The following NLRC5 variants were observed in gnomAD, a reference collection of about 807,000 sequenced individuals.
NLRC5 encodes the protein NLR family CARD domain containing 5, also known as protein NLRC5.
Under a neutral mutation model 206.9 loss-of-function variants are expected in NLRC5, and 114 were observed. The ratio of observed to expected loss-of-function variants is 0.55; its 90% CI spans 0.47 to 0.64. NLRC5 has a LOEUF of 0.64. NLRC5 is among the 30% of genes least tolerant of loss of function. The pLI is 0.00. For missense variants in NLRC5, 2,008 were observed against 2,305.5 expected, an observed-to-expected ratio of 0.87 and a Z score of 2.64; for synonymous variants, 952 against 962.8, an observed-to-expected ratio of 0.99 and a Z score of 0.21.
chr16:57,042,286 TC>T (rs1211291572), intron 19 of NLRC5, among the ~76,000 whole-genome samples: 4 of 152,208 alleles, frequency 2.6e-5, no homozygotes, highest in African/African-American at 9.7e-5. Flanking sequence ...AGGTTTCACT[TC>T]TGGAACCTGT....
chr16:57,001,084 C>G (rs2058184716), intron 1 of NLRC5, among the ~76,000 whole-genome samples: 1 of 152,220 alleles, frequency 6.6e-6, no homozygotes, highest in African/African-American at 2.4e-5. Flanking sequence ...TCAGCCATTC[C>G]CGGGGGGAAG....
intron 2 of NLRC5, among the ~76,000 whole-genome samples, chr16:57,018,347 C>G (rs2060297938): frequency 1.3e-5 from 2 of 152,242 alleles, no homozygotes; most frequent in South Asian, 4.1e-4. Context: ...CCTCAGTTCT[C>G]CTCCTGCCTC....
At chr16:57,063,903 T>C (rs1177822144) in intron 32 of NLRC5, among the ~76,000 whole-genome samples, 2 of 151,816 alleles carry the variant, frequency 1.3e-5, no homozygotes, top group Admixed American at 1.3e-4. Context: ...CACGCCTGAC[T>C]AATGTTTTGT....
chr16:56,993,130 T>TAC (rs34822472), intron 1 of NLRC5, among the ~76,000 whole-genome samples: 17,681 of 143,054 alleles, frequency 0.12, 1,148 homozygotes, highest in African/African-American at 0.16. Flanking sequence ...TGTATATATA[T>TAC]ATACACACAC....
chr16:56,995,999 G>C (rs1469384575), intron 1 of NLRC5, among the ~76,000 whole-genome samples: 1 of 152,140 alleles, frequency 6.6e-6, no homozygotes, highest in Non-Finnish European at 1.5e-5. Context: ...CATTCTTCCA[G>C]ACTAGTGAAA....
chr16:57,026,334 C>A lies in NLRC5; in HGVS notation c.1391C>A (p.Ala464Asp), dbSNP rs1427518337. The A allele has an allele frequency of 1.9e-6, 3 of 1,613,870 alleles. No homozygotes were observed. Residue 464 changes from alanine to aspartate, a missense_variant, in exon 6 of 49, where the codon GCC becomes GAC. Coordinates refer to ENST00000688547, the MANE Select transcript of NLRC5 (RefSeq NM_001384950.1). ...TCCCTACTGGACCTGGGGGAGGTGGCCCTGAGGGGCCTGGAGACAGGGAAG... is the reference window on the plus strand; with the variant it reads ...TCCCTACTGGACCTGGGGGAGGTGGACCTGAGGGGCCTGGAGACAGGGAAG... ...TSSLLDLGEV[A>D]LRGLETGKVI... is the part of the protein sequence containing the mutation.
At chr16:56,996,143 A>G (rs1567497320) in intron 1 of NLRC5, among the ~76,000 whole-genome samples, 1 of 152,056 alleles carries the variant, frequency 6.6e-6, no homozygotes, top group Admixed American at 6.6e-5. Context: ...ACAGCATCAT[A>G]GTGTTTTTTG....
In NLRC5 at chr16:57,061,714, C is replaced by T. The variant is rs770188169; in HGVS notation, c.4154+13C>T. The T allele has an allele frequency of 5.0e-6, 8 of 1,595,186 alleles. No homozygotes were observed. In the Admixed American group the frequency reaches 1.0e-4, roughly 20 times the overall value. On this transcript the variant is annotated intron_variant, in intron 32 of 48. Coordinates refer to ENST00000688547, the MANE Select transcript of NLRC5 (RefSeq NM_001384950.1). ...TGTTCAGCCTCAGGTACCTCCTCCC[C>T]CGCTGCCTCCGGGAGGGGCCATGGC...
chr16:56,991,363 T>C (rs1414660606), intron 1 of NLRC5, among the ~76,000 whole-genome samples: 2 of 147,926 alleles, frequency 1.4e-5, no homozygotes, highest in African/African-American at 2.5e-5. Flanking sequence ...TCTTTTGCTG[T>C]TGTTGTTCTT....
chr16:57,058,414 C>T (rs1211095176), intron 28 of NLRC5: 1 of 502,040 alleles, frequency 2.0e-6, no homozygotes, highest in African/African-American at 1.9e-5. Flanking sequence ...TACAGCCAAA[C>T]TGACCTGGGG....
intron 1 of NLRC5, among the ~76,000 whole-genome samples, chr16:56,997,962 A>G (rs2057813133): frequency 6.6e-6 from 1 of 152,028 alleles, no homozygotes; most frequent in South Asian, 2.1e-4. Flanking sequence ...CATATACACA[A>G]ACCATGGCCC....
chr16:57,025,336 C>T, intron 5 of NLRC5, 32 bp from the exon 6 acceptor site: 1 of 1,510,650 alleles, frequency 6.6e-7, no homozygotes. Flanking sequence ...CCGGGGGGTC[C>T]TCTCCTCATG....
chr16:57,070,302 A>G (rs1303233399), intron 37 of NLRC5, among the ~76,000 whole-genome samples: 1 of 151,814 alleles, frequency 6.6e-6, no homozygotes, highest in Non-Finnish European at 1.5e-5. Flanking sequence ...TGCAGCCTTC[A>G]TCCAGGGCAT....
At chr16:57,009,352 G>A (rs1163329687) in intron 1 of NLRC5, among the ~76,000 whole-genome samples, 1 of 151,790 alleles carries the variant, frequency 6.6e-6, no homozygotes, top group African/African-American at 2.4e-5. Context: ...ACAGCACTTT[G>A]GGAGGCCGAG....
chr16:57,047,620 G>A lies in NLRC5; in HGVS notation c.3414G>A (p.Leu1138=), dbSNP rs2064174025. Reference sequence around the variant, plus strand: ...CTCTGAAGGACTGCCCGGGACCCCTGGAACTGCAGTAAGTAACGAGGACAC... The same window carrying A: ...CTCTGAAGGACTGCCCGGGACCCCTAGAACTGCAGTAAGTAACGAGGACAC... ...CATLKDCPGP[L]ELQLSCEFLS... is the part of the protein sequence containing the mutation. The change falls in exon 23 of 49, where the codon CTG becomes CTA. Residue 1138 remains leucine (L), a synonymous_variant. Coordinates refer to ENST00000688547, the MANE Select transcript of NLRC5 (RefSeq NM_001384950.1). The A allele has an allele frequency of 3.1e-6, 5 of 1,612,874 alleles. No individual in the cohort carries two copies. Among genetic ancestry groups the A allele is most frequent in the Non-Finnish European group, 3.4e-6 (4 of 1,179,486 alleles).
intron 23 of NLRC5, chr16:57,048,172 G>A (rs2064267021): frequency 1.9e-5 from 3 of 154,126 alleles, no homozygotes; most frequent in Admixed American, 6.4e-5. Flanking sequence ...TTGTCATTGT[G>A]GTGATTCTAT....
At chr16:57,058,905 G>A in intron 28 of NLRC5, 67 bp from the exon 29 acceptor site, 1 of 1,310,618 alleles carries the variant, frequency 7.6e-7, no homozygotes, top group Non-Finnish European at 1.1e-6. Flanking sequence ...GGGAGATGGA[G>A]GGGGCTGGGC....
chr16:57,080,769 G>T (rs1367474277), intron 46 of NLRC5: 1 of 251,096 alleles, frequency 4.0e-6, no homozygotes, highest in Non-Finnish European at 7.7e-6. Flanking sequence ...GCCCAGCCAA[G>T]ATTAATTTTT....
chr16:57,023,431 C>T (rs916938923), intron 4 of NLRC5, among the ~76,000 whole-genome samples: 4 of 152,270 alleles, frequency 2.6e-5, no homozygotes, highest in East Asian at 1.9e-4. Flanking sequence ...ATATGACCAC[C>T]GGCGGCTTCC....
Sources: gnomAD v4.1 joint callset for allele counts (sites outside exome capture counted in the v4.1 genomes callset) on GRCh38, gnomAD v4.1.1 for gene constraint, MANE v1.5 for transcripts, NCBI Gene and HGNC (gene_info 2026-07-23, HGNC 2026-07-21) for gene names.